THSD7A: variants seen among roughly 807,000 people sequenced by gnomAD.
The protein encoded by THSD7A is thrombospondin type-1 domain-containing protein 7A.
In THSD7A, 96 loss-of-function variants were observed where a neutral mutation model predicts 231.3. That is an observed-to-expected ratio of 0.41 (90% CI 0.35 to 0.49). The LOEUF is 0.49. THSD7A is among the 20% of genes least tolerant of loss of function. The pLI, the probability that THSD7A is intolerant of heterozygous loss-of-function variation, is 0.05. For synonymous variants in THSD7A, 940 were observed against 743.3 expected, an observed-to-expected ratio of 1.26 and a Z score of -4.30; for missense variants, 2,290 against 2,070.2, an observed-to-expected ratio of 1.11 and a Z score of -2.06.
At chr7:11,638,837 T>C (rs149240995) in intron 1 of THSD7A, among the ~76,000 whole-genome samples, 6 of 152,172 alleles carry the variant, frequency 3.9e-5, no homozygotes, top group African/African-American at 1.4e-4. Flanking sequence ...TTAATCTTAT[T>C]TTTAACTTGC....
At chr7:11,576,464 AG>A (rs1478792760) in intron 4 of THSD7A, among the ~76,000 whole-genome samples, 1 of 152,214 alleles carries the variant, frequency 6.6e-6, no homozygotes, top group African/African-American at 2.4e-5. Context: ...CACTGCACAC[AG>A]CACGAATGCA....
At chr7:11,512,573 C>G (rs1787856900) in intron 6 of THSD7A, among the ~76,000 whole-genome samples, 1 of 151,970 alleles carries the variant, frequency 6.6e-6, no homozygotes, top group Admixed American at 6.6e-5. Flanking sequence ...GAAACTGTGG[C>G]ACATATACAC....
intron 22 of THSD7A, among the ~76,000 whole-genome samples, chr7:11,405,656 G>C (rs1424150590): frequency 6.6e-6 from 1 of 152,044 alleles, no homozygotes; most frequent in Non-Finnish European, 1.5e-5. Flanking sequence ...CATACTATTT[G>C]ATAAACAAAA....
chr7:11,410,207 G>T (rs1464561027), intron 19 of THSD7A, among the ~76,000 whole-genome samples: 1 of 152,268 alleles, frequency 6.6e-6, no homozygotes, highest in Non-Finnish European at 1.5e-5. Context: ...AAACAAATTT[G>T]TGTTTTCAAC....
Position 11,481,984 on chromosome 7 carries a change from TG to T in THSD7A, c.1823-3del. On this transcript the variant is annotated splice_polypyrimidine_tract_variant and splice_region_variant and intron_variant, in intron 6 of 27. Transcript: ENST00000423059. The stretch of plus-strand genomic sequence containing the variant: ...ACAGCTGTCTGTCAACTTCTTCTCC[TG>T]GGGAAAACATGACCACCAACAGCTA... 6.3e-7 allele frequency: 1 copy of T among 1,589,692 alleles called. No homozygotes were observed. Among genetic ancestry groups the T allele is most frequent in the Non-Finnish European group, 8.6e-7 (1 of 1,165,552 alleles).
chr7:11,555,602 G>A (rs770007119), intron 4 of THSD7A, among the ~76,000 whole-genome samples: 9 of 151,794 alleles, frequency 5.9e-5, no homozygotes, highest in Admixed American at 2.0e-4. Context: ...GAGTTCTTCC[G>A]TATTTTTGCT....
At chr7:11,616,430 T>A (rs1349082108) in intron 2 of THSD7A, among the ~76,000 whole-genome samples, 1 of 152,184 alleles carries the variant, frequency 6.6e-6, no homozygotes, top group Non-Finnish European at 1.5e-5. Flanking sequence ...AAAGTACATA[T>A]CCTGTAACAG....
At chr7:11,574,870 G>A (rs1043609542) in intron 4 of THSD7A, among the ~76,000 whole-genome samples, 30 of 152,134 alleles carry the variant, frequency 2.0e-4, no homozygotes, top group Non-Finnish European at 8.8e-5. Flanking sequence ...TAATCGTTTA[G>A]AGGTGAGATA....
intron 6 of THSD7A, among the ~76,000 whole-genome samples, chr7:11,530,517 C>T (rs1240291388): frequency 1.3e-5 from 2 of 152,140 alleles, no homozygotes; most frequent in African/African-American, 4.8e-5. Context: ...ATGATACCTA[C>T]CCCATAGTAA....
chr7:11,504,483 TA>T (rs903383447), intron 6 of THSD7A, among the ~76,000 whole-genome samples: 1 of 151,996 alleles, frequency 6.6e-6, no homozygotes, highest in African/African-American at 2.4e-5. Context: ...AAACCTAAAA[TA>T]AAAAAAATTT....
intron 1 of THSD7A, among the ~76,000 whole-genome samples, chr7:11,695,478 A>T (rs1354923570): frequency 1.3e-5 from 2 of 151,618 alleles, no homozygotes; most frequent in African/African-American, 4.8e-5. Flanking sequence ...ACTTCCATAT[A>T]GTGTCAGTTT....
At chr7:11,593,651 T>C (rs1208885790) in intron 2 of THSD7A, 149 bp from the exon 3 acceptor site, 5 of 975,274 alleles carry the variant, frequency 5.1e-6, no homozygotes, top group South Asian at 3.3e-5. Flanking sequence ...ACATTTATGA[T>C]GTGGAAAAGC....
At chr7:11,739,428 T>C (rs1782029795) in intron 1 of THSD7A, among the ~76,000 whole-genome samples, 1 of 151,954 alleles carries the variant, frequency 6.6e-6, no homozygotes, top group Non-Finnish European at 1.5e-5. Context: ...ATTTCTGTCT[T>C]ACAGGCTAAA....
chr7:11,538,256 A>G (rs886579022), intron 6 of THSD7A, among the ~76,000 whole-genome samples: 6 of 151,910 alleles, frequency 3.9e-5, no homozygotes, highest in African/African-American at 7.2e-5. Context: ...AAAAAATAAC[A>G]TAACTGACTT....
At chr7:11,520,993 C>T (rs186156696) in intron 6 of THSD7A, among the ~76,000 whole-genome samples, 256 of 152,306 alleles carry the variant, frequency 1.7e-3, no homozygotes, top group African/African-American at 5.7e-3. Flanking sequence ...AGAACGCTGA[C>T]TGTGCTATTC....
chr7:11,548,330 G>C (rs1313308123), intron 4 of THSD7A, among the ~76,000 whole-genome samples: 1 of 151,886 alleles, frequency 6.6e-6, no homozygotes, highest in African/African-American at 2.4e-5. Flanking sequence ...ACCCTGAACA[G>C]ACACATAACA....
chr7:11,654,201 T>C lies in THSD7A; in HGVS notation c.191-17240A>G, dbSNP rs1020844048. 9.1e-4 allele frequency among the ~76,000 whole-genome samples: 139 copies of C among 152,106 alleles called. 1 individual carries two copies. Among genetic ancestry groups the C allele is most frequent in the African/African-American group, 3.2e-3 (132 of 41,554 alleles). ...TCCAAGTTTCTTAAGAATTAGATTC[T>C]TTGATCAGTGTTTTTCACACAACAA... On this transcript the variant is annotated intron_variant, in intron 1 of 27. Transcript: ENST00000423059.
At chr7:11,708,102 A>T (rs1780829658) in intron 1 of THSD7A, among the ~76,000 whole-genome samples, 1 of 150,762 alleles carries the variant, frequency 6.6e-6, no homozygotes, top group African/African-American at 2.4e-5. Context: ...ATGCGTTATT[A>T]ATCTTCAAAA....
At chr7:11,629,695 G>A (rs1040634077) in intron 2 of THSD7A, among the ~76,000 whole-genome samples, 5 of 152,134 alleles carry the variant, frequency 3.3e-5, no homozygotes, top group Non-Finnish European at 5.9e-5. Flanking sequence ...CCAAGACTGC[G>A]GAGAGCTGCC....
Sources: gnomAD v4.1 joint callset for allele counts (sites outside exome capture counted in the v4.1 genomes callset) on GRCh38, gnomAD v4.1.1 for gene constraint, MANE v1.5 for transcripts, NCBI Gene and HGNC (gene_info 2026-07-23, HGNC 2026-07-21) for gene names.